DHDDS: variants seen among roughly 807,000 people sequenced by gnomAD.
The protein encoded by DHDDS is dehydrodolichyl diphosphate synthase complex subunit DHDDS.
DHDDS carries 16 observed loss-of-function variants against 46.2 expected under a neutral mutation model. The ratio of observed to expected loss-of-function variants is 0.35; its 90% CI spans 0.23 to 0.53. The LOEUF (loss-of-function observed/expected upper bound fraction) is 0.53. Ranked by LOEUF, DHDDS falls within the 20% of genes least tolerant of loss-of-function variation. The probability of loss-of-function intolerance (pLI) is 0.94; values close to 1 mark genes in which losing one functional copy is unlikely to be tolerated. For missense variants in DHDDS, 340 were observed against 423.7 expected, an observed-to-expected ratio of 0.80 and a Z score of 1.73; for synonymous variants, 151 against 163.1, an observed-to-expected ratio of 0.93 and a Z score of 0.56.
chr1:26,438,063 A>AGGGTTTTCATCACATAGCCCAAACAT, intron 2 of DHDDS, 105 bp from the exon 3 acceptor site: 1 of 1,170,852 alleles, frequency 8.5e-7, no homozygotes, highest in Non-Finnish European at 1.3e-6. Context: ...TCCCTTCGTC[A>AGGGTTTTCATCACATAGCCCAAACAT]GGGTTTTCAT....
Position 26,446,377 on chromosome 1 carries a change from T to G in DHDDS, c.385T>G (p.Leu129Val). 1 of 1,614,064 alleles carries G rather than the reference T, an allele frequency of 6.2e-7. No individual in the cohort carries two copies. The highest frequency in any genetic ancestry group is 8.5e-7 in the Non-Finnish European group (1 of 1,179,942). Residue 129 changes from leucine to valine, a missense_variant, in exon 5 of 9, where the codon TTG becomes GTG. By Grantham distance (32) the Leu-to-Val change is conservative (BLOSUM62 1). Transcript: ENST00000236342. The part of the protein sequence containing the change: ...RVLGDLHLLP[L>V]DLQELIAQAV... ...CCTGGGCGATCTGCACTTGTTGCCCTTGGATCTCCAGGAGCTGATTGCACA... is the reference window on the plus strand; with the variant it reads ...CCTGGGCGATCTGCACTTGTTGCCCGTGGATCTCCAGGAGCTGATTGCACA...
At chr1:26,467,119 G>A (rs573119365) in intron 8 of DHDDS, 15 of 296,620 alleles carry the variant, frequency 5.1e-5, no homozygotes, top group Non-Finnish European at 7.5e-5. Flanking sequence ...TCACTGCTCC[G>A]TGATGTTCAT....
At chr1:26,441,535 T>G (rs1029600007) in intron 3 of DHDDS, among the ~76,000 whole-genome samples, 2 of 152,164 alleles carry the variant, frequency 1.3e-5, no homozygotes, top group Non-Finnish European at 2.9e-5. Context: ...TTTCATATGG[T>G]GAACTGCACA....
chr1:26,454,711 T>A, intron 6 of DHDDS: 6 of 1,587,656 alleles, frequency 3.8e-6, no homozygotes, highest in Non-Finnish European at 5.1e-6. Context: ...CCTCTTCTGG[T>A]TTAGGAACAA....
At chr1:26,440,687 A>G (rs1170063426) in intron 3 of DHDDS, among the ~76,000 whole-genome samples, 1 of 152,160 alleles carries the variant, frequency 6.6e-6, no homozygotes, top group East Asian at 1.9e-4. Context: ...AGGCTATTCA[A>G]GTGTCAGGTT....
At chr1:26,447,498 G>A in intron 5 of DHDDS, 61 bp from the exon 6 acceptor site, 1 of 1,362,598 alleles carries the variant, frequency 7.3e-7, no homozygotes, top group Non-Finnish European at 1.1e-6. Flanking sequence ...TCTGTAATCA[G>A]TGACTTCAAT....
intron 2 of DHDDS, among the ~76,000 whole-genome samples, chr1:26,435,032 C>T (rs956004163): frequency 6.7e-6 from 1 of 148,346 alleles, no homozygotes; most frequent in African/African-American, 2.5e-5. Flanking sequence ...TTTTTTCAGA[C>T]AGAGTCTCAC....
intron 7 of DHDDS, among the ~76,000 whole-genome samples, chr1:26,458,567 G>A (rs1022973360): frequency 2.0e-5 from 3 of 150,336 alleles, no homozygotes; most frequent in Non-Finnish European, 4.4e-5. Flanking sequence ...GTGAACCCCT[G>A]TCTCTACTAA....
intron 3 of DHDDS, among the ~76,000 whole-genome samples, chr1:26,442,492 T>C (rs981928731): frequency 7.2e-5 from 11 of 152,224 alleles, no homozygotes; most frequent in Non-Finnish European, 1.3e-4. Flanking sequence ...TTTCTTGTAG[T>C]GCACAATGCC....
chr1:26,449,733 A>G (rs1442068780), intron 6 of DHDDS, among the ~76,000 whole-genome samples: 1 of 150,602 alleles, frequency 6.6e-6, no homozygotes, highest in Non-Finnish European at 1.5e-5. Context: ...TAATTTTTGT[A>G]TTTTTAGTAG....
intron 5 of DHDDS, among the ~76,000 whole-genome samples, chr1:26,446,761 C>T (rs2075273467): frequency 6.6e-6 from 1 of 152,044 alleles, no homozygotes. Flanking sequence ...GTTCTTATCC[C>T]TGACTTTGAA....
chr1:26,435,023 T>A (rs924997527), intron 2 of DHDDS, among the ~76,000 whole-genome samples: 2 of 151,496 alleles, frequency 1.3e-5, no homozygotes, highest in African/African-American at 2.4e-5. Flanking sequence ...ACAATTTTTT[T>A]TTTTCAGACA....
intron 2 of DHDDS, among the ~76,000 whole-genome samples, chr1:26,434,131 A>C (rs1270213100): frequency 6.6e-6 from 1 of 152,198 alleles, no homozygotes; most frequent in East Asian, 1.9e-4. Flanking sequence ...AGTTAGCATA[A>C]TGTCTAGCAG....
intron 6 of DHDDS, among the ~76,000 whole-genome samples, chr1:26,457,259 G>A (rs1307315691): frequency 1.3e-5 from 2 of 149,830 alleles, no homozygotes; most frequent in Non-Finnish European, 3.0e-5. Context: ...AGGAGATCGA[G>A]TCCATCCTGG....
Position 26,447,634 on chromosome 1 carries a change from G to A in DHDDS, c.516G>A (p.Gly172=). ...ATGCTGTGAGAGAGATGGCCTGGGG[G>A]GTGGAGCAAGGCCTGTTGGATCCCA... is the stretch of plus-strand genomic sequence containing the variant. The part of the protein sequence containing the change: ...ISNAVREMAW[G]VEQGLLDPSD... Residue 172 remains glycine (G), a synonymous_variant, in exon 6 of 9, where the codon GGG becomes GGA. Coordinates refer to ENST00000236342, the MANE Select transcript of DHDDS (RefSeq NM_205861.3). 1 of 1,614,140 alleles carries A rather than the reference G, an allele frequency of 6.2e-7. No homozygotes were observed. Among genetic ancestry groups the A allele is most frequent in the Non-Finnish European group, 8.5e-7 (1 of 1,180,006 alleles).
chr1:26,468,746 A>T, intron 8 of DHDDS, 149 bp from the exon 9 acceptor site: 1 of 1,089,376 alleles, frequency 9.2e-7, no homozygotes, highest in South Asian at 1.5e-5. Flanking sequence ...CTGCATACCT[A>T]CTCCCAAGCC....
At position 26,457,705 on chromosome 1, in the gene DHDDS, A is replaced by G. The variant is rs114122859; in HGVS notation, c.543-86A>G. On this transcript the variant is annotated intron_variant, in intron 6 of 8. Coordinates refer to ENST00000236342, the MANE Select transcript of DHDDS (RefSeq NM_205861.3). ...TGGTATTGTATAAACTGAGAAGCCT[A>G]TATATGGAAGTTCACCATGAGAACA... The G allele has an allele frequency of 0.01, 10,220 of 991,626 alleles. 64 individuals carry two copies. Among genetic ancestry groups the G allele is most frequent in the Non-Finnish European group, 0.013 (7,740 of 617,362 alleles). The allele number at this position is 991,626 out of a possible 1,614,324, so 61.4% of individuals were successfully genotyped here.
intron 4 of DHDDS, among the ~76,000 whole-genome samples, chr1:26,444,664 G>C (rs76417036): frequency 0.024 from 3,611 of 152,266 alleles, 134 homozygotes; most frequent in African/African-American, 0.082. Flanking sequence ...GGGGATCACT[G>C]TGATGAGCCT....
chr1:26,457,680 TG>T, intron 6 of DHDDS, 110 bp from the exon 7 acceptor site: 1 of 805,790 alleles, frequency 1.2e-6, no homozygotes, highest in Non-Finnish European at 2.2e-6. Flanking sequence ...GTGTATTTGA[TG>T]GTATTGTATA....
Sources: gnomAD v4.1 joint callset for allele counts (sites outside exome capture counted in the v4.1 genomes callset) on GRCh38, gnomAD v4.1.1 for gene constraint, MANE v1.5 for transcripts, NCBI Gene and HGNC (gene_info 2026-07-23, HGNC 2026-07-21) for gene names.